Variants in CAMK1D observed in about 807,000 individuals in gnomAD.
CAMK1D encodes calcium/calmodulin dependent protein kinase ID.
Under a neutral mutation model 47.7 loss-of-function variants are expected in CAMK1D, and 9 were observed. The observed-to-expected ratio is 0.19, with a 90% CI of 0.11 to 0.33. CAMK1D has a LOEUF of 0.33. Ranked by LOEUF, CAMK1D falls within the 10% of genes least tolerant of loss-of-function variation. CAMK1D has a pLI of 1.00. For synonymous variants in CAMK1D, 184 were observed against 184.9 expected (o/e 0.99, Z 0.04); for missense variants, 291 against 488.7 (o/e 0.60, Z 3.81).
chr10:12,834,714 G>A lies in CAMK1D; in HGVS notation c.*5827G>A, dbSNP rs553038783. The A allele has an allele frequency of 1.1e-4, 17 of 152,074 alleles. No individual in the cohort carries two copies. Among genetic ancestry groups the A allele is most frequent in the Non-Finnish European group, 2.4e-4 (16 of 68,026 alleles). The allele number at this position is 152,074 out of a possible 1,614,324, so 9.4% of individuals were successfully genotyped here. A position where few individuals can be genotyped will look rare whatever the true frequency, so the allele number is the denominator to read the frequency against. ...GGACAGGAAAAAAGAAAATGAGGAGGAGTTGGTTTTACTCTTAGAGATAAG... is the reference window on the plus strand; with the variant it reads ...GGACAGGAAAAAAGAAAATGAGGAGAAGTTGGTTTTACTCTTAGAGATAAG... On this transcript the variant is annotated 3_prime_UTR_variant, in exon 11 of 11. Transcript: ENST00000619168.
intron 1 of CAMK1D, among the ~76,000 whole-genome samples, chr10:12,465,161 T>C (rs543753380): frequency 2.0e-5 from 3 of 152,308 alleles, no homozygotes; most frequent in Non-Finnish European, 4.4e-5. Flanking sequence ...TGGGGCAGCA[T>C]TTCTTTACCA....
chr10:12,396,805 G>T (rs1838977423), intron 1 of CAMK1D, among the ~76,000 whole-genome samples: 1 of 152,172 alleles, frequency 6.6e-6, no homozygotes, highest in Non-Finnish European at 1.5e-5. Flanking sequence ...CACGTCCACT[G>T]GGCAGGCTCC....
chr10:12,825,330 A>G (rs912545275), intron 9 of CAMK1D, among the ~76,000 whole-genome samples: 1 of 152,074 alleles, frequency 6.6e-6, no homozygotes, highest in African/African-American at 2.4e-5. Context: ...TGTTTATTCT[A>G]TGTATTTATG....
chr10:12,476,153 A>G (rs918619373), intron 1 of CAMK1D, among the ~76,000 whole-genome samples: 1 of 152,000 alleles, frequency 6.6e-6, no homozygotes, highest in Non-Finnish European at 1.5e-5. Flanking sequence ...TTAGCTGGGC[A>G]TGGTGGCACG....
chr10:12,382,488 C>T lies in CAMK1D; in HGVS notation c.92+32578C>T, dbSNP rs1838373400. Among the ~76,000 whole-genome samples the T allele has an allele frequency of 2.0e-5, 3 of 151,996 alleles. 1 individual carries two copies. Among genetic ancestry groups the T allele is most frequent in the African/African-American group, 7.3e-5 (3 of 41,372 alleles). ...TAGTCTGTTTATTATCATACCCAGA[C>T]ATAAAAATGCTAATACTGTTTAGAA... On this transcript the variant is annotated intron_variant, in intron 1 of 10. Transcript: ENST00000619168.
intron 2 of CAMK1D, among the ~76,000 whole-genome samples, chr10:12,634,736 C>T (rs994509042): frequency 1.3e-5 from 2 of 152,052 alleles, no homozygotes; most frequent in South Asian, 4.2e-4. Flanking sequence ...AGCTAGAGTC[C>T]GGTGCAGCTT....
At chr10:12,597,058 C>T (rs1266774388) in intron 2 of CAMK1D, among the ~76,000 whole-genome samples, 1 of 152,046 alleles carries the variant, frequency 6.6e-6, no homozygotes, top group East Asian at 1.9e-4. Context: ...TTCAAAGCAC[C>T]CATCAGTGGG....
At chr10:12,537,478 A>G (rs982251425) in intron 1 of CAMK1D, among the ~76,000 whole-genome samples, 4 of 152,208 alleles carry the variant, frequency 2.6e-5, no homozygotes, top group African/African-American at 9.6e-5. Flanking sequence ...CAACTCTCCC[A>G]CATAACTTTA....
At chr10:12,448,527 G>A (rs1423830187) in intron 1 of CAMK1D, among the ~76,000 whole-genome samples, 1 of 152,136 alleles carries the variant, frequency 6.6e-6, no homozygotes, top group African/African-American at 2.4e-5. Flanking sequence ...AAACTGTAGA[G>A]CCGTGTGGAT....
intron 1 of CAMK1D, among the ~76,000 whole-genome samples, chr10:12,451,292 G>C (rs1487826761): frequency 2.6e-5 from 4 of 152,224 alleles, no homozygotes; most frequent in Non-Finnish European, 4.4e-5. Context: ...GGGTTCCCAA[G>C]AGAAAGGAGG....
At chr10:12,592,112 A>C (rs1435431609) in intron 2 of CAMK1D, among the ~76,000 whole-genome samples, 2 of 152,180 alleles carry the variant, frequency 1.3e-5, no homozygotes, top group African/African-American at 4.8e-5. Context: ...TGTTGGTGGC[A>C]TTCTCCAGAC....
rs530193485 is a variant in CAMK1D, at chr10:12,707,265, G to A, written c.299+40455G>A. On this transcript the variant is annotated intron_variant, in intron 3 of 10. Transcript: ENST00000619168. The stretch of plus-strand genomic sequence containing the variant: ...AGTTAGTGGAGGCCTGACTAATTAA[G>A]GTTTCACTGTAAGCTTGGCATATCA... Among the ~76,000 whole-genome samples, 4 of 152,304 alleles carry A rather than the reference G, an allele frequency of 2.6e-5. No homozygotes were observed. The East Asian group carries it at 7.7e-4, about 29-fold the overall frequency.
chr10:12,434,635 T>C (rs1832576365), intron 1 of CAMK1D, among the ~76,000 whole-genome samples: 1 of 152,200 alleles, frequency 6.6e-6, no homozygotes, highest in Admixed American at 6.5e-5. Flanking sequence ...AGGACCTAAA[T>C]TAGCAAATCT....
At chr10:12,824,385 A>T in intron 8 of CAMK1D, 80 bp from the exon 9 acceptor site, 1 of 1,217,490 alleles carries the variant, frequency 8.2e-7, no homozygotes, top group Non-Finnish European at 1.2e-6. Context: ...TCCTGAGGCT[A>T]GGTAAGACTC....
At chr10:12,578,585 A>AAAAAAAAGT (rs1456866150) in intron 2 of CAMK1D, among the ~76,000 whole-genome samples, 1 of 149,434 alleles carries the variant, frequency 6.7e-6, no homozygotes, top group Non-Finnish European at 1.5e-5. Flanking sequence ...AAAAAAAAAA[A>AAAAAAAAGT]GTTTTGTAGA....
At chr10:12,771,685 G>C (rs1232569465) in intron 5 of CAMK1D, among the ~76,000 whole-genome samples, 1 of 152,196 alleles carries the variant, frequency 6.6e-6, no homozygotes, top group Non-Finnish European at 1.5e-5. Context: ...CAATTCCCTG[G>C]ATCGTGTGTA....
intron 9 of CAMK1D, 92 bp from the exon 10 acceptor site, chr10:12,825,481 C>A: frequency 1.6e-6 from 2 of 1,262,276 alleles, no homozygotes; most frequent in Non-Finnish European, 2.2e-6. Context: ...GTTTGAAATG[C>A]TTAGGCTAAT....
At chr10:12,765,603 C>T (rs1836716437) in intron 4 of CAMK1D, among the ~76,000 whole-genome samples, 1 of 152,182 alleles carries the variant, frequency 6.6e-6, no homozygotes, top group African/African-American at 2.4e-5. Flanking sequence ...TCATCAGATC[C>T]CTAATGCCTT....
rs766290620 is a variant in CAMK1D, at chr10:12,703,868, C to CAA, written c.299+37073_299+37074dup. Among the ~76,000 whole-genome samples the CAA allele has an allele frequency of 3.8e-4, 26 of 67,588 alleles. 1 individual carries two copies. Among genetic ancestry groups the CAA allele is most frequent in the Admixed American group, 1.8e-3 (10 of 5,552 alleles). 44.3% of individuals were successfully genotyped at this position (67,588 alleles called of 152,430 possible). On this transcript the variant is annotated intron_variant, in intron 3 of 10. Coordinates refer to ENST00000619168, the MANE Select transcript of CAMK1D (RefSeq NM_153498.4). Reference sequence around the variant, plus strand: ...AGGACGACAGATCGAGACTCCGTCTCAAAAAAAAAAAAAAAAGACAAATTT... The same window carrying CAA: ...AGGACGACAGATCGAGACTCCGTCTCAAAAAAAAAAAAAAAAAAGACAAATTT...
Sources: gnomAD v4.1 joint callset for allele counts (sites outside exome capture counted in the v4.1 genomes callset) on GRCh38, gnomAD v4.1.1 for gene constraint, MANE v1.5 for transcripts, NCBI Gene and HGNC (gene_info 2026-07-23, HGNC 2026-07-21) for gene names.